Variants in NFIB observed in about 807,000 individuals in gnomAD.
The protein encoded by NFIB is nuclear factor 1 B-type.
Under a neutral mutation model 61.5 loss-of-function variants are expected in NFIB, and 11 were observed. The observed-to-expected ratio is 0.18, with a 90% confidence interval of 0.11 to 0.30. The LOEUF (loss-of-function observed/expected upper bound fraction) is 0.30. Among genes scored for constraint, NFIB ranks in the 10% least tolerant of loss-of-function variants. The probability of loss-of-function intolerance (pLI) is 1.00; values close to 1 mark genes in which losing one functional copy is unlikely to be tolerated. For synonymous variants in NFIB, 260 were observed against 216.5 expected (o/e 1.20, Z -1.76); for missense variants, 471 against 608.9 (o/e 0.77, Z 2.38).
the NFIB span, among the ~76,000 whole-genome samples, chr9:14,524,375 GAAAATAACAGA>G: frequency 6.6e-6 from 1 of 151,886 alleles, no homozygotes; most frequent in Non-Finnish European, 1.5e-5. Context: ...TCACAACCTT[GAAAATAACAGA>G]AAAAAAATCC....
chr9:14,287,960 G>A (rs1015905846), intron 2 of NFIB, among the ~76,000 whole-genome samples: 1 of 152,062 alleles, frequency 6.6e-6, no homozygotes, highest in Non-Finnish European at 1.5e-5. Flanking sequence ...TTCTTCTGCT[G>A]AGTTCAACAG....
upstream of NFIB, among the ~76,000 whole-genome samples, chr9:14,317,923 C>T (rs2060578251): frequency 6.6e-6 from 1 of 152,162 alleles, no homozygotes; most frequent in Non-Finnish European, 1.5e-5. Context: ...ACGTCTGTGT[C>T]GTGGTATTAA....
chr9:14,427,086 T>A, the NFIB span, among the ~76,000 whole-genome samples: 1 of 152,174 alleles, frequency 6.6e-6, no homozygotes, highest in African/African-American at 2.4e-5. Flanking sequence ...GTTAAATGCA[T>A]ATGTGTACTC....
chr9:14,471,492 G>T, the NFIB span, among the ~76,000 whole-genome samples: 1 of 152,218 alleles, frequency 6.6e-6, no homozygotes, highest in East Asian at 1.9e-4. Flanking sequence ...GCAACACGTG[G>T]AAAAGAAAGA....
rs33918801 is a variant in NFIB, at chr9:14,083,479, TAAAA to T, written c.*4826_*4829del. The T allele has an allele frequency of 1.6e-3, 212 of 135,024 alleles. No homozygotes were observed. The highest frequency in any genetic ancestry group is 4.0e-3 in the East Asian group (36 of 8,906). 8.4% of individuals were successfully genotyped at this position (135,024 alleles called of 1,614,324 possible). On this transcript the variant is annotated 3_prime_UTR_variant, in exon 11 of 11. Coordinates refer to ENST00000380953, the MANE Select transcript of NFIB (RefSeq NM_001190737.2). The stretch of plus-strand genomic sequence containing the variant: ...TATTGAACTTGAATAGCCTGCACAT[TAAAA>T]AAAAAAAAAAAAAAAAAGTTTTCTA...
intron 2 of NFIB, among the ~76,000 whole-genome samples, chr9:14,259,128 T>A (rs897451801): frequency 6.6e-6 from 1 of 152,242 alleles, no homozygotes; most frequent in African/African-American, 2.4e-5. Context: ...CTGCCAACTA[T>A]TCAACATTCA....
At chr9:14,312,889 A>G (rs547569340) in intron 1 of NFIB, among the ~76,000 whole-genome samples, 1 of 152,252 alleles carries the variant, frequency 6.6e-6, no homozygotes, top group African/African-American at 2.4e-5. Flanking sequence ...TAGAAACCCC[A>G]AAGTGCAGCA....
At chr9:14,202,080 T>C (rs774202380) in intron 2 of NFIB, among the ~76,000 whole-genome samples, 12 of 151,682 alleles carry the variant, frequency 7.9e-5, no homozygotes, top group Non-Finnish European at 1.5e-4. Flanking sequence ...AATTTACAAA[T>C]AAGCAGAATC....
chr9:14,223,307 G>C (rs1166234049), intron 2 of NFIB, among the ~76,000 whole-genome samples: 1 of 152,132 alleles, frequency 6.6e-6, no homozygotes, highest in Non-Finnish European at 1.5e-5. Flanking sequence ...GATCTACTCT[G>C]ACCTTGTCCT....
At chr9:14,188,113 A>C (rs1186220786) in intron 2 of NFIB, among the ~76,000 whole-genome samples, 1 of 152,214 alleles carries the variant, frequency 6.6e-6, no homozygotes, top group East Asian at 1.9e-4. Context: ...CAGAATGCAA[A>C]AACACCGTAC....
the NFIB span, among the ~76,000 whole-genome samples, chr9:14,480,998 T>G: frequency 1.3e-5 from 2 of 151,368 alleles, no homozygotes; most frequent in Non-Finnish European, 2.9e-5. Flanking sequence ...TATAACACCT[T>G]GGACATTTAC....
chr9:14,219,445 G>C (rs1023719560), intron 2 of NFIB, among the ~76,000 whole-genome samples: 1 of 140,062 alleles, frequency 7.1e-6, no homozygotes, highest in Admixed American at 7.2e-5. Flanking sequence ...ATGTAATTTA[G>C]GGTTACAATG....
chr9:14,340,373 A>G (rs576038892), intron 1 of NFIB, among the ~76,000 whole-genome samples: 2 of 152,316 alleles, frequency 1.3e-5, no homozygotes, highest in Non-Finnish European at 2.9e-5. Flanking sequence ...CTAGCTAAAC[A>G]TTAGAATCGC....
chr9:14,313,322 C>T lies in NFIB; in HGVS notation c.30+160G>A, dbSNP rs1173346792. Among the ~76,000 whole-genome samples the T allele has an allele frequency of 6.6e-6, 1 of 151,798 alleles. No homozygotes were observed. The highest frequency in any genetic ancestry group is 1.5e-5 in the Non-Finnish European group (1 of 67,918). On this transcript the variant is annotated intron_variant, in intron 1 of 10. Coordinates refer to ENST00000380953, the MANE Select transcript of NFIB (RefSeq NM_001190737.2). The surrounding 1 kb of genome is among the most constrained non-coding windows in gnomAD (Gnocchi z 4.5). ...GGCCGTGGCGAGGGGCCGCTCCCGG[C>T]TCCCACGCCGCCCCGCGACGCCCGC...
Position 14,120,319 on chromosome 9 carries a change from G to T in NFIB, c.1245+121C>A. 9.1e-7 allele frequency: 1 copy of T among 1,095,576 alleles called. No homozygotes were observed. The highest frequency in any genetic ancestry group is 1.3e-5 in the South Asian group (1 of 76,034). 67.9% of individuals were successfully genotyped at this position (1,095,576 alleles called of 1,614,324 possible). On this transcript the variant is annotated intron_variant, in intron 8 of 10. Transcript: ENST00000380953. The surrounding 1 kb of genome is among the most constrained non-coding windows in gnomAD (Gnocchi z 4.4). ...TTATTGAGTCACCAAGCAACTTCCT[G>T]AAGATGGATTTCAAGGCTTGACGTT... is the stretch of plus-strand genomic sequence containing the variant.
intron 2 of NFIB, among the ~76,000 whole-genome samples, chr9:14,285,368 C>G (rs1324703268): frequency 6.6e-6 from 1 of 152,210 alleles, no homozygotes; most frequent in Non-Finnish European, 1.5e-5. Context: ...GGTAATCCCC[C>G]ACCTCGGCCT....
chr9:14,443,496 T>C, the NFIB span, among the ~76,000 whole-genome samples: 1 of 152,160 alleles, frequency 6.6e-6, no homozygotes, highest in African/African-American at 2.4e-5. Context: ...GCACTGCCAT[T>C]CCTCAAGCTT....
intron 4 of NFIB, among the ~76,000 whole-genome samples, chr9:14,151,458 G>A (rs775271976): frequency 2.0e-5 from 3 of 151,976 alleles, no homozygotes; most frequent in Non-Finnish European, 4.4e-5. Context: ...GCAACAAGCT[G>A]GGTAAGTAAA....
At chr9:14,303,163 T>C (rs1339848928) in intron 2 of NFIB, among the ~76,000 whole-genome samples, 2 of 152,180 alleles carry the variant, frequency 1.3e-5, no homozygotes, top group Non-Finnish European at 2.9e-5. Context: ...CCTCTCAAAA[T>C]GTTACTATAA....
Sources: gnomAD v4.1 joint callset for allele counts (sites outside exome capture counted in the v4.1 genomes callset) on GRCh38, gnomAD v4.1.1 for gene constraint, Gnocchi (gnomAD v3.1) non-coding constraint, MANE v1.5 for transcripts, NCBI Gene and HGNC (gene_info 2026-07-23, HGNC 2026-07-21) for gene names.